NFIB: variants seen among roughly 807,000 people sequenced by gnomAD.
NFIB encodes nuclear factor 1 B-type.
A neutral mutation model predicts 61.5 loss-of-function variants in NFIB; 11 were observed. That is an observed-to-expected ratio of 0.18 (90% CI 0.11 to 0.30). The LOEUF (loss-of-function observed/expected upper bound fraction) is 0.30. NFIB is among the 10% of genes least tolerant of loss of function. The pLI is 1.00. For synonymous variants in NFIB, 260 were observed against 216.5 expected (o/e 1.20, Z -1.76); for missense variants, 471 against 608.9 (o/e 0.77, Z 2.38).
At chr9:14,419,768 C>T in the NFIB span, among the ~76,000 whole-genome samples, 1 of 152,168 alleles carries the variant, frequency 6.6e-6, no homozygotes, top group Non-Finnish European at 1.5e-5. Flanking sequence ...TGCTCCACTT[C>T]CCATCGGTAT....
At chr9:14,427,937 G>GTGTTTTTTTTTTTTTTT in the NFIB span, among the ~76,000 whole-genome samples, 2 of 43,384 alleles carry the variant, frequency 4.6e-5, no homozygotes, top group African/African-American at 1.6e-4. Flanking sequence ...TAATTCAGTT[G>GTGTTTTTTTTTTTTTTT]TTTTTTTTTT....
chr9:14,209,438 C>G (rs2050085228), intron 2 of NFIB, among the ~76,000 whole-genome samples: 1 of 152,146 alleles, frequency 6.6e-6, no homozygotes, highest in African/African-American at 2.4e-5. Flanking sequence ...GATGAATAAC[C>G]AATAAAATCC....
At chr9:14,179,694 T>C in intron 3 of NFIB, 33 bp downstream of exon 3, 1 of 1,611,568 alleles carries the variant, frequency 6.2e-7, no homozygotes, top group East Asian at 2.2e-5. Context: ...TCCAACAATG[T>C]CAGATTGCAA....
chr9:14,124,424 G>A (rs2039372159), intron 7 of NFIB, among the ~76,000 whole-genome samples: 1 of 151,992 alleles, frequency 6.6e-6, no homozygotes, highest in Non-Finnish European at 1.5e-5. Flanking sequence ...ATTTTTTAAT[G>A]ATAGCAATAA....
the NFIB span, among the ~76,000 whole-genome samples, chr9:14,435,818 C>T: frequency 4.3e-4 from 66 of 152,300 alleles, no homozygotes; most frequent in Middle Eastern, 0.017. Flanking sequence ...AAAACCTCAT[C>T]GGCCTCAGAA....
chr9:14,240,251 C>T (rs1225716716), intron 2 of NFIB, among the ~76,000 whole-genome samples: 2 of 152,132 alleles, frequency 1.3e-5, no homozygotes, highest in Non-Finnish European at 2.9e-5. Context: ...CCATCTCTCC[C>T]TCTCTCCCTC....
chr9:14,478,792 T>C, the NFIB span, among the ~76,000 whole-genome samples: 1 of 152,354 alleles, frequency 6.6e-6, no homozygotes, highest in African/African-American at 2.4e-5. Context: ...TGCACATGCA[T>C]ATTTTCACAT....
At chr9:14,303,690 G>C (rs1220146533) in intron 2 of NFIB, among the ~76,000 whole-genome samples, 3 of 152,170 alleles carry the variant, frequency 2.0e-5, no homozygotes, top group Middle Eastern at 3.2e-3. Context: ...TCAGCAACTA[G>C]ACAAAGAGGG....
At chr9:14,398,768 A>G in exon 1 of NFIB, 1 of 593,848 alleles carries the variant, frequency 1.7e-6, no homozygotes, top group Admixed American at 3.4e-5. Flanking sequence ...AGGTCCGAAG[A>G]GTTTGAGGGT....
chr9:14,327,159 G>A (rs547365408), intron 1 of NFIB, among the ~76,000 whole-genome samples: 1 of 152,160 alleles, frequency 6.6e-6, no homozygotes, highest in East Asian at 1.9e-4. Flanking sequence ...AGAAATTAGT[G>A]AGGCAACAGG....
the NFIB span, among the ~76,000 whole-genome samples, chr9:14,530,699 A>G: frequency 3.6e-4 from 55 of 152,314 alleles, 1 homozygote; most frequent in Middle Eastern, 0.014. Flanking sequence ...AGAAGCCAGG[A>G]CTAATCAGAC....
intron 3 of NFIB, among the ~76,000 whole-genome samples, chr9:14,164,798 T>C (rs1422151992): frequency 6.6e-6 from 1 of 152,172 alleles, no homozygotes; most frequent in African/African-American, 2.4e-5. Flanking sequence ...TCTGGGATTC[T>C]TGAAAGCAGT....
chr9:14,423,510 A>G, the NFIB span, among the ~76,000 whole-genome samples: 2 of 152,104 alleles, frequency 1.3e-5, no homozygotes, highest in Non-Finnish European at 2.9e-5. Context: ...CCTCTTCTCT[A>G]TTTACACAGG....
intron 1 of NFIB, among the ~76,000 whole-genome samples, chr9:14,333,545 C>T (rs2060847123): frequency 6.6e-6 from 1 of 152,148 alleles, no homozygotes; most frequent in Non-Finnish European, 1.5e-5. Flanking sequence ...AGTTCAACTA[C>T]TCCACACTAT....
At chr9:14,346,558 C>T (rs921764095) in intron 1 of NFIB, among the ~76,000 whole-genome samples, 2 of 152,148 alleles carry the variant, frequency 1.3e-5, no homozygotes, top group African/African-American at 4.8e-5. Context: ...TTCTATTCCC[C>T]GCACGCGCCC....
At chr9:14,355,988 A>G (rs1341744538) in intron 1 of NFIB, among the ~76,000 whole-genome samples, 1 of 150,548 alleles carries the variant, frequency 6.6e-6, no homozygotes, top group Admixed American at 6.6e-5. Context: ...AAAAAAAAAA[A>G]GGCCAATTTG....
the NFIB span, among the ~76,000 whole-genome samples, chr9:14,462,076 A>C: frequency 6.6e-6 from 1 of 152,282 alleles, no homozygotes; most frequent in South Asian, 2.1e-4. Context: ...TAGAAATGGA[A>C]GTTTCGCATT....
chr9:14,443,021 C>T, the NFIB span, among the ~76,000 whole-genome samples: 3 of 144,564 alleles, frequency 2.1e-5, no homozygotes, highest in African/African-American at 7.8e-5. Context: ...TTAAATCTAA[C>T]CCAACCCCCC....
chr9:14,479,428 G>A, the NFIB span, among the ~76,000 whole-genome samples: 3 of 152,192 alleles, frequency 2.0e-5, no homozygotes, highest in African/African-American at 7.2e-5. Context: ...CTTGGGTATG[G>A]TGGAGCTTTT....
Sources: gnomAD v4.1 joint callset for allele counts (sites outside exome capture counted in the v4.1 genomes callset) on GRCh38, gnomAD v4.1.1 for gene constraint, MANE v1.5 for transcripts, NCBI Gene and HGNC (gene_info 2026-07-23, HGNC 2026-07-21) for gene names.